Variants in PPP2R2A observed in about 807,000 individuals in gnomAD.
PPP2R2A encodes serine/threonine-protein phosphatase 2A 55 kDa regulatory subunit B alpha isoform.
A neutral mutation model predicts 53.2 loss-of-function variants in PPP2R2A; 9 were observed. That is an observed-to-expected ratio of 0.17 (90% CI 0.10 to 0.30). The LOEUF is 0.30. PPP2R2A is among the 10% of genes least tolerant of loss of function. PPP2R2A has a pLI of 1.00. For missense variants in PPP2R2A, 235 were observed against 534.6 expected (o/e 0.44, Z 5.53); for synonymous variants, 169 against 174.2 (o/e 0.97, Z 0.23).
At position 26,293,656 on chromosome 8, in the gene PPP2R2A, C is replaced by G; in HGVS notation, c.8-10C>G. Reference sequence around the variant, plus strand: ...AACTCGGTTTTAATTGGTATGTTTTCTTTTTCCAGGAGCTGGAGGAGGGAA... The same window carrying G: ...AACTCGGTTTTAATTGGTATGTTTTGTTTTTCCAGGAGCTGGAGGAGGGAA... On this transcript the variant is annotated splice_polypyrimidine_tract_variant and intron_variant, in intron 1 of 9. Transcript: ENST00000380737. The G allele has an allele frequency of 1.9e-6, 3 of 1,607,706 alleles. No individual in the cohort carries two copies. Among genetic ancestry groups the G allele is most frequent in the Non-Finnish European group, 2.5e-6 (3 of 1,177,706 alleles).
chr8:26,314,888 T>TTCCCCC (rs1563291388), intron 2 of PPP2R2A, among the ~76,000 whole-genome samples: 4 of 65,794 alleles, frequency 6.1e-5, no homozygotes, highest in Non-Finnish European at 7.9e-5. Context: ...TTTTTTCCCT[T>TTCCCCC]CCCCCCCCCC....
At chr8:26,306,841 A>G (rs887493545) in intron 2 of PPP2R2A, among the ~76,000 whole-genome samples, 3 of 152,174 alleles carry the variant, frequency 2.0e-5, no homozygotes, top group Non-Finnish European at 4.4e-5. Flanking sequence ...AAATTAATAC[A>G]TATATAGAAT....
In PPP2R2A at chr8:26,338,848, A is replaced by G. The variant is rs776971431; in HGVS notation, c.83-42A>G. The G allele has an allele frequency of 2.8e-6, 4 of 1,407,454 alleles. No homozygotes were observed. In the South Asian group the frequency reaches 4.9e-5, roughly 17 times the overall value. 87.2% of individuals were successfully genotyped at this position (1,407,454 alleles called of 1,614,324 possible). On this transcript the variant is annotated intron_variant, in intron 2 of 9. Transcript: ENST00000380737. The surrounding 1 kb of genome is among the most constrained non-coding windows in gnomAD (Gnocchi z 4.5). ...AGTTCTGAAACTAGTGAGTCGGGAA[A>G]GAAAAACTAATATCTTTTTTTGTTT...
rs1805124618 is a variant in PPP2R2A at position 26,362,056 on chromosome 8, GATTAATTTTAAGATTAGAA to G, written c.638-626_638-608del. Among the ~76,000 whole-genome samples, 1 of 149,058 alleles carries G rather than the reference GATTAATTTTAAGATTAGAA, an allele frequency of 6.7e-6. No individual in the cohort carries two copies. Among genetic ancestry groups the G allele is most frequent in the African/African-American group, 2.5e-5 (1 of 40,808 alleles). ...AAGATTAATCTTAAGATTAGATTAA[GATTAATTTTAAGATTAGAA>G]AAAGATTAATAATTAGATTAGATTA... On this transcript the variant is annotated intron_variant, in intron 6 of 9. Transcript: ENST00000380737. This position sits in a 1 kb window ranked among gnomAD's most constrained non-coding sequence, Gnocchi z 4.4.
intron 4 of PPP2R2A, among the ~76,000 whole-genome samples, chr8:26,355,673 G>C (rs954431193): frequency 1.6e-4 from 25 of 152,042 alleles, no homozygotes; most frequent in African/African-American, 5.8e-4. Flanking sequence ...GACCATCCTG[G>C]CTAACATGGT....
intron 7 of PPP2R2A, chr8:26,363,053 T>G: frequency 1.9e-6 from 1 of 522,796 alleles, no homozygotes; most frequent in Non-Finnish European, 3.4e-6. Flanking sequence ...GTCTATTGAT[T>G]GCCAAGGAAT....
chr8:26,323,542 CCTT>C (rs1802944869), intron 2 of PPP2R2A, among the ~76,000 whole-genome samples: 1 of 152,202 alleles, frequency 6.6e-6, no homozygotes, highest in African/African-American at 2.4e-5. Flanking sequence ...ACCAAGACCT[CCTT>C]CTTGGGTTCG....
At chr8:26,302,573 C>T (rs965226511) in intron 2 of PPP2R2A, among the ~76,000 whole-genome samples, 1 of 152,174 alleles carries the variant, frequency 6.6e-6, no homozygotes, top group African/African-American at 2.4e-5. Context: ...CAAGAATCCA[C>T]CACTGTGGAA....
intron 2 of PPP2R2A, among the ~76,000 whole-genome samples, chr8:26,335,386 A>G (rs1803601187): frequency 6.6e-6 from 1 of 152,206 alleles, no homozygotes; most frequent in African/African-American, 2.4e-5. Flanking sequence ...GAAAGGAGGA[A>G]GGAACACCAT....
At chr8:26,341,702 C>T (rs368437776) in intron 3 of PPP2R2A, among the ~76,000 whole-genome samples, 27 of 152,164 alleles carry the variant, frequency 1.8e-4, no homozygotes, top group African/African-American at 5.6e-4. Flanking sequence ...TTGCAGAATA[C>T]ACTGGCATTT....
intron 1 of PPP2R2A, chr8:26,293,400 ATTT>A: frequency 1.1e-6 from 1 of 870,156 alleles, no homozygotes; most frequent in Middle Eastern, 3.3e-4. Flanking sequence ...CTTTTACTGT[ATTT>A]GACAGGAAGT....
intron 2 of PPP2R2A, among the ~76,000 whole-genome samples, chr8:26,334,748 AAAAAACAAAAAAC>A (rs1412600335): frequency 6.6e-6 from 1 of 152,136 alleles, no homozygotes; most frequent in African/African-American, 2.4e-5. Context: ...CCATCTCAAA[AAAAAACAAAAAAC>A]AAAAACAAAA....
intron 2 of PPP2R2A, among the ~76,000 whole-genome samples, chr8:26,311,426 A>G (rs951795713): frequency 2.6e-5 from 4 of 152,228 alleles, no homozygotes; most frequent in African/African-American, 7.2e-5. Flanking sequence ...TGGTAAAACT[A>G]GGGAGAGATT....
chr8:26,358,427 G>GA (rs1346074771), intron 4 of PPP2R2A, among the ~76,000 whole-genome samples: 4 of 152,126 alleles, frequency 2.6e-5, no homozygotes, highest in Non-Finnish European at 5.9e-5. Context: ...ATAACACATA[G>GA]AAAATCTGTA....
intron 2 of PPP2R2A, among the ~76,000 whole-genome samples, chr8:26,319,371 T>A (rs1310730821): frequency 1.3e-5 from 2 of 152,156 alleles, no homozygotes; most frequent in African/African-American, 4.8e-5. Context: ...GTTTAACTTT[T>A]TAGGAACAAT....
At chr8:26,357,418 C>G (rs1023968942) in intron 4 of PPP2R2A, among the ~76,000 whole-genome samples, 1 of 151,846 alleles carries the variant, frequency 6.6e-6, no homozygotes, top group Non-Finnish European at 1.5e-5. Context: ...TTTCCATGAT[C>G]ATTATATGAA....
At chr8:26,294,773 G>A (rs1342880040) in intron 2 of PPP2R2A, among the ~76,000 whole-genome samples, 1 of 152,028 alleles carries the variant, frequency 6.6e-6, no homozygotes, top group Non-Finnish European at 1.5e-5. Flanking sequence ...GCTTGTGTCA[G>A]TGTCATCCTT....
intron 2 of PPP2R2A, 156 bp downstream of exon 2, chr8:26,293,896 C>T: frequency 3.0e-6 from 2 of 668,190 alleles, no homozygotes; most frequent in South Asian, 4.0e-5. Flanking sequence ...TTCTGAAAAA[C>T]AGCCTTAAAT....
chr8:26,313,006 A>G (rs1802363215), intron 2 of PPP2R2A, among the ~76,000 whole-genome samples: 1 of 147,422 alleles, frequency 6.8e-6, no homozygotes, highest in African/African-American at 2.5e-5. Context: ...TCTTTTAGCT[A>G]TTTCTTCTGG....
Sources: allele counts gnomAD v4.1 joint callset (sites outside exome capture counted in the v4.1 genomes callset), GRCh38; gene constraint gnomAD v4.1.1; non-coding constraint Gnocchi (gnomAD v3.1); transcripts MANE v1.5; gene names NCBI Gene and HGNC (gene_info 2026-07-23, HGNC 2026-07-21).